Variants in MBTPS1 observed in about 807,000 individuals in gnomAD.
The protein encoded by MBTPS1 is membrane-bound transcription factor site-1 protease.
A neutral mutation model predicts 127.8 loss-of-function variants in MBTPS1; 94 were observed. That is an observed-to-expected ratio of 0.74 (90% CI 0.62 to 0.87). The LOEUF is 0.87. MBTPS1 is among the 40% of genes least tolerant of loss of function. The pLI, the probability that MBTPS1 is intolerant of heterozygous loss-of-function variation, is 0.00. For missense variants in MBTPS1, 1,636 were observed against 1,353.2 expected (o/e 1.21, Z -3.28); for synonymous variants, 632 against 509.4 (o/e 1.24, Z -3.24).
At chr16:84,086,766 C>T (rs2086033955) in intron 9 of MBTPS1, among the ~76,000 whole-genome samples, 1 of 152,136 alleles carries the variant, frequency 6.6e-6, no homozygotes, top group Non-Finnish European at 1.5e-5. Context: ...GCAAAGGTGC[C>T]CAACTGCTGT....
intron 11 of MBTPS1, among the ~76,000 whole-genome samples, chr16:84,081,330 C>T (rs947278832): frequency 6.6e-6 from 1 of 152,242 alleles, no homozygotes; most frequent in African/African-American, 2.4e-5. Context: ...AGGTGAATTA[C>T]AGCACAGTGT....
intron 4 of MBTPS1, among the ~76,000 whole-genome samples, chr16:84,094,605 T>C (rs936964083): frequency 2.0e-5 from 3 of 152,202 alleles, no homozygotes; most frequent in African/African-American, 4.8e-5. Flanking sequence ...TGTGTACATA[T>C]CAATACTATG....
chr16:84,083,259 T>G (rs1355399928), intron 10 of MBTPS1, among the ~76,000 whole-genome samples: 1 of 152,150 alleles, frequency 6.6e-6, no homozygotes, highest in African/African-American at 2.4e-5. Flanking sequence ...GGTAGCCCAC[T>G]ATCCACCTTC....
chr16:84,068,591 C>T, intron 14 of MBTPS1, 137 bp from the exon 15 acceptor site: 1 of 646,260 alleles, frequency 1.5e-6, no homozygotes. Flanking sequence ...CCCACTGGCA[C>T]AGGCATCAGC....
chr16:84,088,111 G>T (rs1012453782), intron 8 of MBTPS1, among the ~76,000 whole-genome samples: 2 of 152,116 alleles, frequency 1.3e-5, no homozygotes, highest in African/African-American at 4.8e-5. Flanking sequence ...TGGCAAAAAT[G>T]TGTAAACCGT....
At position 84,095,683 on chromosome 16, in the gene MBTPS1, T is replaced by A. The variant is rs1388326312; in HGVS notation, c.544A>T (p.Ser182Cys). 6.2e-7 allele frequency: 1 copy of A among 1,614,078 alleles called. No individual in the cohort carries two copies. Among genetic ancestry groups the A allele is most frequent in the Non-Finnish European group, 8.5e-7 (1 of 1,180,048 alleles). The change falls in exon 4 of 23, where the codon AGC (serine) becomes TGC (cysteine). Residue 182 changes from serine (S) to cysteine (C), a missense_variant. Transcript: ENST00000343411. ...GFWHATGRHS[S>C]RRLLRAIPRQ... Reference sequence around the variant, plus strand: ...GGGATGGCTCTCAGCAGCCGTCTGCTCGAATGCCTTCCCGTAGCATGCCAG... The same window carrying A: ...GGGATGGCTCTCAGCAGCCGTCTGCACGAATGCCTTCCCGTAGCATGCCAG...
intron 22 of MBTPS1, among the ~76,000 whole-genome samples, chr16:84,054,879 C>T (rs1345095388): frequency 6.7e-6 from 1 of 149,098 alleles, no homozygotes; most frequent in Non-Finnish European, 1.5e-5. Flanking sequence ...TGGATCTCTG[C>T]TGCCCTTCCT....
At chr16:84,105,281 T>C (rs1371667021) in intron 1 of MBTPS1, among the ~76,000 whole-genome samples, 1 of 152,208 alleles carries the variant, frequency 6.6e-6, no homozygotes, top group Non-Finnish European at 1.5e-5. Flanking sequence ...CAAGTTAAGA[T>C]ACTATCAGGT....
intron 7 of MBTPS1, 54 bp from the exon 8 acceptor site, chr16:84,090,996 T>C: frequency 1.1e-6 from 1 of 883,842 alleles, no homozygotes. Context: ...AACATATAAC[T>C]GTCAAAAAAA....
intron 1 of MBTPS1, among the ~76,000 whole-genome samples, chr16:84,112,486 C>T (rs1004958842): frequency 5.9e-5 from 9 of 151,732 alleles, no homozygotes; most frequent in African/African-American, 1.5e-4. Flanking sequence ...ACTGAAACCC[C>T]GTTTCCACTA....
At chr16:84,096,338 G>T (rs752932856) in intron 3 of MBTPS1, among the ~76,000 whole-genome samples, 10 of 152,120 alleles carry the variant, frequency 6.6e-5, no homozygotes, top group Non-Finnish European at 1.5e-4. Flanking sequence ...AAAACAAAAG[G>T]ACTACACAGG....
rs114712396 is a variant in MBTPS1 at position 84,064,753 on chromosome 16, A to G, written c.2431+937T>C. 1.1e-3 allele frequency among the ~76,000 whole-genome samples: 175 copies of G among 152,366 alleles called. 2 individuals are homozygous for G. Among genetic ancestry groups the G allele is most frequent in the African/African-American group, 3.9e-3 (162 of 41,584 alleles). On this transcript the variant is annotated intron_variant, in intron 18 of 22. Transcript: ENST00000343411. ...CTGTGAAAACAATCATTATGTGCCT[A>G]AAGGTGAAATATAACCTATTAAACA...
At chr16:84,113,689 G>C (rs1169916460) in intron 1 of MBTPS1, among the ~76,000 whole-genome samples, 3 of 152,200 alleles carry the variant, frequency 2.0e-5, no homozygotes, top group African/African-American at 7.2e-5. Flanking sequence ...ACATAATTTA[G>C]GTGAGTGAAA....
intron 3 of MBTPS1, among the ~76,000 whole-genome samples, chr16:84,096,264 C>T (rs1470526715): frequency 1.3e-5 from 2 of 152,096 alleles, no homozygotes; most frequent in African/African-American, 4.8e-5. Context: ...ATCAACAGGA[C>T]TTAAAACAAC....
intron 20 of MBTPS1, 137 bp from the exon 21 acceptor site, chr16:84,059,565 C>A (rs1299271948): frequency 5.5e-6 from 4 of 728,342 alleles, no homozygotes; most frequent in African/African-American, 5.3e-5. Context: ...ATTAAGCTAT[C>A]CTCCATGAGC....
At chr16:84,054,743 G>C (rs1034381651) in intron 22 of MBTPS1, 98 bp from the exon 23 acceptor site, 1 of 938,370 alleles carries the variant, frequency 1.1e-6, no homozygotes. Flanking sequence ...CTAAATGCGA[G>C]CTAATTTCAC....
intron 2 of MBTPS1, among the ~76,000 whole-genome samples, chr16:84,100,997 TAC>T (rs2086245947): frequency 1.3e-4 from 3 of 23,372 alleles, no homozygotes; most frequent in Non-Finnish European, 8.7e-5. Flanking sequence ...CTACTAAAAA[TAC>T]AAAAAAAAAA....
At chr16:84,064,157 C>T (rs1196892927) in intron 18 of MBTPS1, among the ~76,000 whole-genome samples, 1 of 151,864 alleles carries the variant, frequency 6.6e-6, no homozygotes, top group Non-Finnish European at 1.5e-5. Flanking sequence ...CAATTGCTTT[C>T]CTCAGCACTA....
At chr16:84,096,901 C>G (rs2086186213) in intron 3 of MBTPS1, among the ~76,000 whole-genome samples, 1 of 152,196 alleles carries the variant, frequency 6.6e-6, no homozygotes, top group Non-Finnish European at 1.5e-5. Context: ...ACAGGCCAGA[C>G]TCCACCTCCA....
Sources: allele counts gnomAD v4.1 joint callset (sites outside exome capture counted in the v4.1 genomes callset), GRCh38; gene constraint gnomAD v4.1.1; transcripts MANE v1.5; gene names NCBI Gene and HGNC (gene_info 2026-07-23, HGNC 2026-07-21).